The following SCN9A variants were observed in gnomAD, a reference collection of about 807,000 sequenced individuals.
SCN9A encodes the protein sodium channel protein type 9 subunit alpha.
Under a neutral mutation model 187.0 loss-of-function variants are expected in SCN9A, and 131 were observed. The ratio of observed to expected loss-of-function variants is 0.70; its 90% CI spans 0.61 to 0.81. The LOEUF (loss-of-function observed/expected upper bound fraction) is 0.81, where lower values mean the gene tolerates loss of function less well. Among genes scored for constraint, SCN9A ranks in the 30% least tolerant of loss-of-function variants. SCN9A has a pLI of 0.00. For missense variants in SCN9A, 2,252 were observed against 2,396.6 expected, an observed-to-expected ratio of 0.94 and a Z score of 1.26; for synonymous variants, 809 against 808.6, an observed-to-expected ratio of 1.00 and a Z score of -0.01.
chr2:166,200,230 C>T (rs1303670634), intron 26 of SCN9A, among the ~76,000 whole-genome samples: 1 of 150,968 alleles, frequency 6.6e-6, no homozygotes, highest in Non-Finnish European at 1.5e-5. Context: ...ATCTCCTGAC[C>T]TCGTGATCCG....
chr2:166,196,084 A>G lies in SCN9A; in HGVS notation c.*2588T>C, dbSNP rs1178079696. 3 of 152,062 alleles carry G rather than the reference A, an allele frequency of 2.0e-5. No individual in the cohort carries two copies. Among genetic ancestry groups the G allele is most frequent in the Non-Finnish European group, 4.4e-5 (3 of 68,020 alleles). The allele number at this position is 152,062 out of a possible 1,614,324, so 9.4% of individuals were successfully genotyped here. A position where few individuals can be genotyped will look rare whatever the true frequency, so the allele number is the denominator to read the frequency against. On this transcript the variant is annotated 3_prime_UTR_variant, in exon 27 of 27. Coordinates refer to ENST00000642356, the MANE Select transcript of SCN9A (RefSeq NM_001365536.1). ...TAGAAAACCTGTTTGCTTCCATTTT[A>G]TTCTAAGTTAAGTTCTTCAGTGTAA...
At chr2:166,301,624 A>T (rs1047847325) in intron 7 of SCN9A, 1 of 151,032 alleles carries the variant, frequency 6.6e-6, no homozygotes. Flanking sequence ...AAACTCAGAA[A>T]TAGGAGCAAG....
chr2:166,197,042 ATTT>A lies in SCN9A; in HGVS notation c.*1627_*1629del, dbSNP rs1693266274. On this transcript the variant is annotated 3_prime_UTR_variant, in exon 27 of 27. Coordinates refer to ENST00000642356, the MANE Select transcript of SCN9A (RefSeq NM_001365536.1). ...ACAACAAAAAATATGTGCTTTAAAC[ATTT>A]ATTATATAAATGTAATTTATTATTT... The A allele has an allele frequency of 6.6e-6, 1 of 151,908 alleles. No homozygotes were observed. Among genetic ancestry groups the A allele is most frequent in the African/African-American group, 2.4e-5 (1 of 41,428 alleles). The allele number at this position is 151,908 out of a possible 1,614,324, so 9.4% of individuals were successfully genotyped here. A position where few individuals can be genotyped will look rare whatever the true frequency, so the allele number is the denominator to read the frequency against.
intron 18 of SCN9A, among the ~76,000 whole-genome samples, chr2:166,250,340 A>C (rs1487327858): frequency 6.6e-6 from 1 of 152,122 alleles, no homozygotes; most frequent in Non-Finnish European, 1.5e-5. Context: ...GAATCCTTGA[A>C]GAATAAGAAA....
At chr2:166,340,207 C>T (rs1203542100) in intron 1 of SCN9A, among the ~76,000 whole-genome samples, 2 of 152,178 alleles carry the variant, frequency 1.3e-5, no homozygotes, top group African/African-American at 4.8e-5. Context: ...TTATAATTAT[C>T]TGAGAAATAT....
chr2:166,267,511 C>G (rs950764808), intron 17 of SCN9A, among the ~76,000 whole-genome samples: 1 of 151,636 alleles, frequency 6.6e-6, no homozygotes, highest in Non-Finnish European at 1.5e-5. Context: ...TGGCCTTCAG[C>G]TTTCTTTTCG....
chr2:166,255,543 G>T (rs572687235), intron 17 of SCN9A, among the ~76,000 whole-genome samples: 1 of 151,220 alleles, frequency 6.6e-6, no homozygotes, highest in South Asian at 2.1e-4. Flanking sequence ...ATAATCTAAC[G>T]CTCAAAAGAA....
chr2:166,231,127 CAG>C (rs1695064517), intron 21 of SCN9A, among the ~76,000 whole-genome samples: 1 of 152,146 alleles, frequency 6.6e-6, no homozygotes, highest in Non-Finnish European at 1.5e-5. Flanking sequence ...AAAGAGCAAA[CAG>C]AGTTAAATAG....
At chr2:166,220,497 C>G (rs1254046612) in intron 24 of SCN9A, among the ~76,000 whole-genome samples, 2 of 151,100 alleles carry the variant, frequency 1.3e-5, no homozygotes, top group Non-Finnish European at 2.9e-5. Flanking sequence ...AACATGATAC[C>G]TTACAGCATG....
At chr2:166,267,559 A>G (rs892585188) in intron 17 of SCN9A, among the ~76,000 whole-genome samples, 2 of 151,856 alleles carry the variant, frequency 1.3e-5, no homozygotes, top group African/African-American at 4.8e-5. Context: ...TATTGGGGTA[A>G]TATTGGCCTT....
At chr2:166,257,753 C>T (rs1023406236) in intron 17 of SCN9A, among the ~76,000 whole-genome samples, 2 of 151,264 alleles carry the variant, frequency 1.3e-5, no homozygotes, top group South Asian at 2.1e-4. Context: ...ATAGCTTTCT[C>T]AAAAATTATA....
chr2:166,342,406 C>A (rs2105284229), intron 1 of SCN9A, among the ~76,000 whole-genome samples: 1 of 152,244 alleles, frequency 6.6e-6, no homozygotes, highest in Middle Eastern at 3.4e-3. Context: ...GCTTTCCTGC[C>A]TTTCCTTAAG....
At chr2:166,297,641 C>T (rs1276894473) in intron 7 of SCN9A, among the ~76,000 whole-genome samples, 1 of 150,710 alleles carries the variant, frequency 6.6e-6, no homozygotes, top group African/African-American at 2.4e-5. Context: ...TACTAACGGG[C>T]CCTGGGTTTC....
At chr2:166,240,376 CCTGT>C (rs1319859569) in intron 19 of SCN9A, among the ~76,000 whole-genome samples, 4 of 152,124 alleles carry the variant, frequency 2.6e-5, no homozygotes, top group African/African-American at 4.8e-5. Context: ...TAATTGGCAA[CCTGT>C]CTAAGTACAA....
intron 1 of SCN9A, among the ~76,000 whole-genome samples, chr2:166,369,317 C>G (rs2105327692): frequency 6.6e-6 from 1 of 152,194 alleles, no homozygotes; most frequent in South Asian, 2.1e-4. Flanking sequence ...AATTTGAACT[C>G]AAATTTATTT....
chr2:166,322,939 A>T (rs1237911410), intron 1 of SCN9A, among the ~76,000 whole-genome samples: 1 of 152,132 alleles, frequency 6.6e-6, no homozygotes, highest in African/African-American at 2.4e-5. Flanking sequence ...GTAAAATGTA[A>T]TTTTAAACAA....
intron 20 of SCN9A, among the ~76,000 whole-genome samples, chr2:166,237,024 T>C (rs560362405): frequency 3.0e-4 from 45 of 152,212 alleles, no homozygotes; most frequent in African/African-American, 1.0e-3. Context: ...TTATAGGATG[T>C]TTCTTCCCTA....
intron 17 of SCN9A, among the ~76,000 whole-genome samples, chr2:166,258,486 T>A (rs1696372784): frequency 6.6e-6 from 1 of 151,538 alleles, no homozygotes. Context: ...GCCTATCAAC[T>A]TTTAACTGAT....
At chr2:166,301,821 G>A (rs1030259807) in intron 7 of SCN9A, 4 of 150,902 alleles carry the variant, frequency 2.7e-5, no homozygotes, top group African/African-American at 9.9e-5. Context: ...TCAGAAACTG[G>A]AAAAGAGGGT....
Sources: gnomAD v4.1 joint callset for allele counts (sites outside exome capture counted in the v4.1 genomes callset) on GRCh38, gnomAD v4.1.1 for gene constraint, MANE v1.5 for transcripts, NCBI Gene and HGNC (gene_info 2026-07-23, HGNC 2026-07-21) for gene names.